SLC8A1: variants seen among roughly 807,000 people sequenced by gnomAD.
The protein encoded by SLC8A1 is sodium/calcium exchanger 1.
Under a neutral mutation model 68.3 loss-of-function variants are expected in SLC8A1, and 18 were observed. The observed-to-expected ratio is 0.26, with a 90% confidence interval of 0.18 to 0.39. The LOEUF (loss-of-function observed/expected upper bound fraction) is 0.39, where lower values mean the gene tolerates loss of function less well. Among genes scored for constraint, SLC8A1 ranks in the 10% least tolerant of loss-of-function variants. The pLI, the probability that SLC8A1 is intolerant of heterozygous loss-of-function variation, is 1.00. For missense variants in SLC8A1, 985 were observed against 1,156.7 expected, an observed-to-expected ratio of 0.85 and a Z score of 2.15; for synonymous variants, 475 against 415.5, an observed-to-expected ratio of 1.14 and a Z score of -1.74.
At chr2:40,465,459 A>G (rs544799157) in intron 1 of SLC8A1, among the ~76,000 whole-genome samples, 18 of 152,276 alleles carry the variant, frequency 1.2e-4, no homozygotes, top group Non-Finnish European at 2.2e-4. Flanking sequence ...CACTTCACTG[A>G]TGGCAATGTT....
In SLC8A1 at chr2:40,218,327, G is replaced by C. The variant is rs77605089; in HGVS notation, c.1809-40472C>G. ...TGTAATTACTGTATTGTGAAGAAGG[G>C]AGTGGCAATAAATTAGGCACAGAAT... is the stretch of plus-strand genomic sequence containing the variant. On this transcript the variant is annotated intron_variant, in intron 2 of 7. Coordinates refer to ENST00000406785, the Ensembl canonical transcript of SLC8A1. 2.9e-3 allele frequency among the ~76,000 whole-genome samples: 444 copies of C among 152,268 alleles called. 1 individual carries two copies. The highest frequency in any genetic ancestry group is 7.5e-3 in the South Asian group (36 of 4,822).
At chr2:40,141,336 G>A (rs889179379) in intron 6 of SLC8A1, among the ~76,000 whole-genome samples, 1 of 152,214 alleles carries the variant, frequency 6.6e-6, no homozygotes, top group Non-Finnish European at 1.5e-5. Flanking sequence ...ATCTAAAGAG[G>A]AATGTCTGGA....
At chr2:40,376,725 G>T (rs1680005296) in intron 2 of SLC8A1, among the ~76,000 whole-genome samples, 1 of 152,114 alleles carries the variant, frequency 6.6e-6, no homozygotes, top group Non-Finnish European at 1.5e-5. Context: ...ATGATGCTTT[G>T]ACTCTGTGTA....
At chr2:40,265,266 C>T (rs1008809441) in intron 2 of SLC8A1, among the ~76,000 whole-genome samples, 3 of 152,138 alleles carry the variant, frequency 2.0e-5, no homozygotes, top group African/African-American at 7.2e-5. Context: ...GATAACATAG[C>T]TTATTCTAAC....
intron 2 of SLC8A1, among the ~76,000 whole-genome samples, chr2:40,369,886 A>AT (rs1575768131): frequency 7.0e-5 from 1 of 14,274 alleles, no homozygotes; most frequent in African/African-American, 4.1e-3. Flanking sequence ...CCAAAAAAAT[A>AT]AAAAAACTGC....
At chr2:40,435,942 A>ATT (rs59783278) in intron 1 of SLC8A1, among the ~76,000 whole-genome samples, 41 of 125,420 alleles carry the variant, frequency 3.3e-4, no homozygotes, top group African/African-American at 8.7e-4. Flanking sequence ...ATGCTCGGCT[A>ATT]TTTTTTTTTT....
intron 2 of SLC8A1, among the ~76,000 whole-genome samples, chr2:40,312,639 G>C (rs2073883345): frequency 6.6e-6 from 1 of 152,030 alleles, no homozygotes; most frequent in Non-Finnish European, 1.5e-5. Context: ...ATGGACTTCT[G>C]ATTCTAAACC....
At chr2:40,200,368 G>A (rs1175218352) in intron 2 of SLC8A1, among the ~76,000 whole-genome samples, 1 of 141,872 alleles carries the variant, frequency 7.0e-6, no homozygotes, top group East Asian at 2.1e-4. Context: ...CTTTTTTGTT[G>A]CTTATTTTCT....
chr2:40,356,616 C>A (rs1035898617), intron 2 of SLC8A1, among the ~76,000 whole-genome samples: 8 of 138,604 alleles, frequency 5.8e-5, no homozygotes, highest in Admixed American at 3.6e-4. Flanking sequence ...AAAAAAAAAA[C>A]TGCCTGTCAA....
intron 2 of SLC8A1, among the ~76,000 whole-genome samples, chr2:40,238,267 C>A (rs1162084096): frequency 2.6e-5 from 4 of 152,202 alleles, no homozygotes; most frequent in African/African-American, 9.6e-5. Flanking sequence ...ACTCCGTGGG[C>A]GTAGGACCCT....
intron 1 of SLC8A1, among the ~76,000 whole-genome samples, chr2:40,445,826 G>A (rs1423765076): frequency 1.3e-5 from 2 of 152,128 alleles, no homozygotes. Flanking sequence ...AGATCATTTT[G>A]GAAGAGTGAC....
rs1019523444 is a variant in SLC8A1, at chr2:40,464,285, T to G, written c.-24-33981A>C. Among the ~76,000 whole-genome samples, 5 of 152,326 alleles carry G rather than the reference T, an allele frequency of 3.3e-5. No homozygotes were observed. The East Asian group carries it at 9.6e-4, about 29-fold the overall frequency. Reference sequence around the variant, plus strand: ...CTAAAGAAGAAATATTGGTAGCCAATGTAAACAAAAACAGCACTGGCTGAA... The same window carrying G: ...CTAAAGAAGAAATATTGGTAGCCAAGGTAAACAAAAACAGCACTGGCTGAA... On this transcript the variant is annotated intron_variant, in intron 1 of 7. Coordinates refer to the SLC8A1 transcript ENST00000402441.
At chr2:40,142,741 G>A (rs2041810036) in intron 6 of SLC8A1, among the ~76,000 whole-genome samples, 1 of 152,170 alleles carries the variant, frequency 6.6e-6, no homozygotes, top group Non-Finnish European at 1.5e-5. Context: ...TGTTTGTAAA[G>A]TGTCTGAGAA....
chr2:40,417,870 T>TACACACACACACACACAC (rs70957174), intron 2 of SLC8A1, among the ~76,000 whole-genome samples: 7,693 of 147,082 alleles, frequency 0.052, 220 homozygotes, highest in African/African-American at 0.072. Context: ...CTTGGATGGA[T>TACACACACACACACACAC]ACACACACAC....
chr2:40,334,659 A>G (rs1286633819), intron 2 of SLC8A1, among the ~76,000 whole-genome samples: 2 of 152,200 alleles, frequency 1.3e-5, no homozygotes, highest in Admixed American at 6.5e-5. Context: ...TTTTTCAGCC[A>G]TAAATATGAA....
chr2:40,379,390 T>G (rs1006106916), intron 2 of SLC8A1, among the ~76,000 whole-genome samples: 2 of 152,144 alleles, frequency 1.3e-5, no homozygotes, highest in Non-Finnish European at 2.9e-5. Flanking sequence ...ATTTTTCATA[T>G]GATTTTTGTT....
At chr2:40,298,618 A>G (rs1296245279) in intron 2 of SLC8A1, among the ~76,000 whole-genome samples, 1 of 152,160 alleles carries the variant, frequency 6.6e-6, no homozygotes, top group Non-Finnish European at 1.5e-5. Context: ...AAATCCTACC[A>G]TTTAATCTAT....
chr2:40,397,001 T>C (rs1456895409), intron 2 of SLC8A1, among the ~76,000 whole-genome samples: 1 of 152,142 alleles, frequency 6.6e-6, no homozygotes, highest in Non-Finnish European at 1.5e-5. Flanking sequence ...GGAAAAGTAA[T>C]GTCTAAATAT....
intron 2 of SLC8A1, among the ~76,000 whole-genome samples, chr2:40,390,606 GC>G (rs143816079): frequency 0.046 from 6,963 of 152,090 alleles, 162 homozygotes; most frequent in Middle Eastern, 0.11. Flanking sequence ...TTATTCTGAT[GC>G]CCCCTCAACT....
Sources: allele counts gnomAD v4.1 joint callset (sites outside exome capture counted in the v4.1 genomes callset), GRCh38; gene constraint gnomAD v4.1.1; transcripts MANE v1.5; gene names NCBI Gene and HGNC (gene_info 2026-07-23, HGNC 2026-07-21).